SMARCA4: variants seen among roughly 807,000 people sequenced by gnomAD.
SMARCA4 encodes the protein SWI/SNF related BAF chromatin remodeling complex subunit ATPase 4.
Under a neutral mutation model 193.9 loss-of-function variants are expected in SMARCA4, and 31 were observed. The ratio of observed to expected loss-of-function variants is 0.16; its 90% confidence interval spans 0.12 to 0.22. The LOEUF is 0.22. SMARCA4 is among the 10% of genes least tolerant of loss of function. The pLI is 1.00. For synonymous variants in SMARCA4, 942 were observed against 933.1 expected (o/e 1.01, Z -0.17); for missense variants, 1,148 against 2,296.0 (o/e 0.50, Z 10.22).
rs1048309452 is a variant in SMARCA4 at position 11,041,822 on chromosome 19, G to T, written c.4424+262G>T. Among the ~76,000 whole-genome samples, 2 of 152,226 alleles carry T rather than the reference G, an allele frequency of 1.3e-5. No individual in the cohort carries two copies. Among genetic ancestry groups the T allele is most frequent in the African/African-American group, 4.8e-5 (2 of 41,460 alleles). On this transcript the variant is annotated intron_variant, in intron 30 of 34. Coordinates refer to ENST00000344626, the MANE Select transcript of SMARCA4 (RefSeq NM_003072.5). The surrounding 1 kb of genome is among the most constrained non-coding windows in gnomAD (Gnocchi z 5.6). ...AGGCAGGGGTGCGGGTCTCGGAGAA[G>T]GGGACATTGCAGCAGAGCCTTGAGA... is the stretch of plus-strand genomic sequence containing the variant.
At chr19:10,983,880 G>A (rs1487935724) in intron 1 of SMARCA4, among the ~76,000 whole-genome samples, 3 of 152,102 alleles carry the variant, frequency 2.0e-5, no homozygotes, top group Non-Finnish European at 4.4e-5. Context: ...GCCCCTGTGG[G>A]GCAGTGCTTG....
rs73013139 is a variant in SMARCA4, at chr19:10,987,033, C to A, written c.859+30C>A. On this transcript the variant is annotated intron_variant, in intron 5 of 34. Coordinates refer to ENST00000344626, the MANE Select transcript of SMARCA4 (RefSeq NM_003072.5). The surrounding 1 kb of genome is among the most constrained non-coding windows in gnomAD (Gnocchi z 5.3). ...GCTCCCTCTTCTATGGTGGTGCACCCGTGCCCTTACTCCCCATCTCAAGCT... is the reference window on the plus strand; with the variant it reads ...GCTCCCTCTTCTATGGTGGTGCACCAGTGCCCTTACTCCCCATCTCAAGCT... 1 of 1,487,308 alleles carries A rather than the reference C, an allele frequency of 6.7e-7. No individual in the cohort carries two copies. The allele number at this position is 1,487,308 out of a possible 1,614,324, so 92.1% of individuals were successfully genotyped here.
Position 11,041,483 on chromosome 19 carries a change from G to A in SMARCA4, c.4347G>A (p.Glu1449=), listed in dbSNP as rs2075610605. Residue 1449 remains glutamate (E), a synonymous_variant, in exon 30 of 35, where the codon GAG becomes GAA. Coordinates refer to ENST00000344626, the MANE Select transcript of SMARCA4 (RefSeq NM_003072.5). This position sits in a 1 kb window ranked among gnomAD's most constrained non-coding sequence, Gnocchi z 5.6. ...AGAAGCGCGGGCGGCCGCCTGCCGA[G>A]AAACTCTCCCCTAACCCACCCAACC... ...KQKKRGRPPA[E]KLSPNPPNLT... The A allele has an allele frequency of 1.2e-6, 2 of 1,613,764 alleles. No homozygotes were observed. The highest frequency in any genetic ancestry group is 1.1e-5 in the South Asian group (1 of 91,080).
chr19:11,022,270 C>G (rs1296377346), intron 19 of SMARCA4, among the ~76,000 whole-genome samples: 1 of 152,174 alleles, frequency 6.6e-6, no homozygotes, highest in Admixed American at 6.5e-5. Flanking sequence ...GGACCGCAAG[C>G]GTGTGGAGAG....
intron 1 of SMARCA4, among the ~76,000 whole-genome samples, chr19:10,968,762 G>T (rs1384010037): frequency 6.6e-6 from 1 of 152,204 alleles, no homozygotes; most frequent in Non-Finnish European, 1.5e-5. Flanking sequence ...AGACTTGAGG[G>T]GGAGGGTCTG....
chr19:11,048,154 C>T (rs2076055578), intron 30 of SMARCA4, among the ~76,000 whole-genome samples: 1 of 152,142 alleles, frequency 6.6e-6, no homozygotes, highest in Non-Finnish European at 1.5e-5. Flanking sequence ...CAGCTAACAG[C>T]TCACTTTTTT....
chr19:11,010,569 G>A lies in SMARCA4; in HGVS notation c.2274+38G>A, dbSNP rs756619567. 3.3e-5 allele frequency: 53 copies of A among 1,605,402 alleles called. 1 individual carries two copies. The South Asian group carries it at 5.5e-4, about 17-fold the overall frequency. ...GTGGGGAGGCCACCGCCACGTAGCT[G>A]CCTCGGTGCAGGTGTTCCCAGGTGG... is the stretch of plus-strand genomic sequence containing the variant. On this transcript the variant is annotated intron_variant, in intron 15 of 34. Transcript: ENST00000344626.
chr19:10,995,794 T>C (rs568251104), intron 9 of SMARCA4: 12 of 359,732 alleles, frequency 3.3e-5, no homozygotes, highest in South Asian at 1.5e-4. Context: ...GTTCTGATCA[T>C]GAAGGGGAGC....
chr19:11,038,071 C>T (rs2075367098), intron 29 of SMARCA4, among the ~76,000 whole-genome samples: 1 of 152,214 alleles, frequency 6.6e-6, no homozygotes, highest in East Asian at 1.9e-4. Flanking sequence ...CGGACATGGC[C>T]ATGACTGTGG....
chr19:10,977,772 G>A (rs1009005798), intron 1 of SMARCA4: 5 of 152,350 alleles, frequency 3.3e-5, no homozygotes, highest in Non-Finnish European at 2.9e-5. Context: ...GGGAGAGATG[G>A]GGCACCTTGG....
intron 6 of SMARCA4, 134 bp downstream of exon 6, chr19:10,988,058 T>C: frequency 2.4e-6 from 2 of 830,416 alleles, no homozygotes; most frequent in Non-Finnish European, 3.9e-6. Flanking sequence ...CTACACCTCC[T>C]TCCTCACCTC....
chr19:11,013,211 T>G, intron 16 of SMARCA4, 99 bp downstream of exon 16: 1 of 1,374,104 alleles, frequency 7.3e-7, no homozygotes, highest in Non-Finnish European at 1.0e-6. Context: ...CGAGGTGGCT[T>G]AATTACAGAA....
chr19:10,992,348 C>G (rs1363782553), intron 8 of SMARCA4, among the ~76,000 whole-genome samples: 2 of 151,200 alleles, frequency 1.3e-5, no homozygotes, highest in Non-Finnish European at 2.9e-5. Flanking sequence ...AATTCCTGAC[C>G]TCAAGTGATC....
intron 11 of SMARCA4, 33 bp downstream of exon 11, chr19:10,996,577 A>G (rs2087073418): frequency 6.2e-7 from 1 of 1,602,750 alleles, no homozygotes; most frequent in South Asian, 1.1e-5. Context: ...GGAAGTATCA[A>G]GCTAGCCCTA....
At chr19:10,976,209 A>G (rs1003770913) in intron 1 of SMARCA4, among the ~76,000 whole-genome samples, 3 of 152,124 alleles carry the variant, frequency 2.0e-5, no homozygotes, top group Non-Finnish European at 4.4e-5. Context: ...GCGATGGGGT[A>G]AGAAGGGGTA....
Position 11,034,627 on chromosome 19 carries a change from A to T in SMARCA4, c.3952-287A>T, listed in dbSNP as rs546554169. On this transcript the variant is annotated intron_variant, in intron 28 of 34. Transcript: ENST00000344626. The surrounding 1 kb of genome is among the most constrained non-coding windows in gnomAD (Gnocchi z 7.0). ...GCCCGCAGGCCTCATGCCTCCACCA[A>T]CGCTGGGCCACGCAGCTGCTGCCCC... Among the ~76,000 whole-genome samples, 2 of 152,004 alleles carry T rather than the reference A, an allele frequency of 1.3e-5. No individual in the cohort carries two copies. Among genetic ancestry groups the T allele is most frequent in the Non-Finnish European group, 2.9e-5 (2 of 67,994 alleles).
intron 18 of SMARCA4, 30 bp from the exon 19 acceptor site, chr19:11,021,695 T>C (rs2146413374): frequency 1.9e-6 from 3 of 1,589,714 alleles, no homozygotes; most frequent in Non-Finnish European, 2.6e-6. Context: ...TGCTGCCCCC[T>C]GCCCTGATTG....
chr19:11,059,875 C>G lies in SMARCA4; in HGVS notation c.4758C>G (p.Ser1586=), dbSNP rs199723473. The G allele has an allele frequency of 3.1e-6, 5 of 1,613,888 alleles. No homozygotes were observed. The highest frequency in any genetic ancestry group is 3.4e-6 in the Non-Finnish European group (4 of 1,179,982). Residue 1586 remains serine, a synonymous_variant, in exon 33 of 35, where the codon TCC becomes TCG. Coordinates refer to ENST00000344626, the MANE Select transcript of SMARCA4 (RefSeq NM_003072.5). ...AGGAAGAGGGCGAGGAGGAAGGCTC[C>G]GAATCCGAATGTGAGTCCCGGGGGG... The part of the protein sequence containing the change: ...EEEEEGEEEG[S]ESESRSVKVK...
chr19:10,978,857 G>A (rs1312558351), intron 1 of SMARCA4, among the ~76,000 whole-genome samples: 3 of 152,012 alleles, frequency 2.0e-5, no homozygotes, highest in South Asian at 4.1e-4. Flanking sequence ...GCTGAGGCAC[G>A]ATAATCGCTT....
Sources: allele counts gnomAD v4.1 joint callset (sites outside exome capture counted in the v4.1 genomes callset), GRCh38; gene constraint gnomAD v4.1.1; non-coding constraint Gnocchi (gnomAD v3.1); transcripts MANE v1.5; gene names NCBI Gene and HGNC (gene_info 2026-07-23, HGNC 2026-07-21).